The following SUGCT variants were observed in gnomAD, a reference collection of about 807,000 sequenced individuals.
The protein encoded by SUGCT is succinyl-CoA:glutarate-CoA transferase, also known as succinyl-CoA:glutarate CoA-transferase.
In SUGCT, 41 loss-of-function variants were observed where a neutral mutation model predicts 55.0. The ratio of observed to expected loss-of-function variants is 0.74; its 90% confidence interval spans 0.58 to 0.97. The LOEUF is 0.97. SUGCT is among the 50% of genes least tolerant of loss of function. The pLI, the probability that SUGCT is intolerant of heterozygous loss-of-function variation, is 0.00. For missense variants in SUGCT, 568 were observed against 547.8 expected, an observed-to-expected ratio of 1.04 and a Z score of -0.37; for synonymous variants, 187 against 200.4, an observed-to-expected ratio of 0.93 and a Z score of 0.56.
At chr7:40,901,569 C>T in the SUGCT span, among the ~76,000 whole-genome samples, 1 of 152,186 alleles carries the variant, frequency 6.6e-6, no homozygotes, top group Non-Finnish European at 1.5e-5. Context: ...ATGATGTTAC[C>T]AAACTGCCTT....
intron 11 of SUGCT, among the ~76,000 whole-genome samples, chr7:40,471,770 C>A (rs1306115632): frequency 4.6e-5 from 7 of 151,792 alleles, no homozygotes; most frequent in African/African-American, 1.5e-4. Context: ...AATGTTAAAG[C>A]AACATAAATA....
intron 7 of SUGCT, among the ~76,000 whole-genome samples, chr7:40,250,833 T>C (rs2329768): frequency 0.31 from 36,391 of 116,004 alleles, 5,378 homozygotes; most frequent in East Asian, 0.47. Flanking sequence ...CGCTTCTTTT[T>C]TTTTTTTTTT....
chr7:40,223,384 G>C (rs1049412862), intron 6 of SUGCT, among the ~76,000 whole-genome samples: 4 of 152,160 alleles, frequency 2.6e-5, no homozygotes, highest in African/African-American at 9.7e-5. Context: ...TGCCCCAGTT[G>C]TGGAATCAAC....
intron 13 of SUGCT, among the ~76,000 whole-genome samples, chr7:40,787,505 G>T (rs1490126912): frequency 6.6e-6 from 1 of 151,802 alleles, no homozygotes; most frequent in Non-Finnish European, 1.5e-5. Flanking sequence ...AGATATTGGA[G>T]ATAAATGTAA....
At chr7:40,645,543 A>C (rs1053087730) in intron 12 of SUGCT, among the ~76,000 whole-genome samples, 4 of 152,196 alleles carry the variant, frequency 2.6e-5, no homozygotes, top group Admixed American at 1.3e-4. Context: ...TCCCTGAAGC[A>C]CTGTGGATTC....
chr7:40,738,725 T>G (rs1466382123), intron 12 of SUGCT, among the ~76,000 whole-genome samples: 2 of 152,180 alleles, frequency 1.3e-5, no homozygotes, highest in African/African-American at 4.8e-5. Context: ...GTGATCAGAT[T>G]AATGGAGAAA....
intron 12 of SUGCT, among the ~76,000 whole-genome samples, chr7:40,613,898 C>T (rs1484623369): frequency 2.6e-5 from 4 of 152,128 alleles, no homozygotes; most frequent in Non-Finnish European, 4.4e-5. Flanking sequence ...TGAGCCACCA[C>T]GCCTGGCCTG....
chr7:40,648,794 G>C (rs1031245790), intron 12 of SUGCT, among the ~76,000 whole-genome samples: 89 of 152,202 alleles, frequency 5.8e-4, no homozygotes, highest in African/African-American at 1.4e-3. Context: ...ACTACCAGGG[G>C]CTAGAAAGAG....
chr7:40,517,870 T>C (rs1424446146), intron 12 of SUGCT, among the ~76,000 whole-genome samples: 1 of 152,130 alleles, frequency 6.6e-6, no homozygotes, highest in Non-Finnish European at 1.5e-5. Flanking sequence ...AAATCTATAT[T>C]GCTGTATGAA....
At chr7:40,343,586 T>A (rs1403143153) in intron 9 of SUGCT, among the ~76,000 whole-genome samples, 1 of 151,612 alleles carries the variant, frequency 6.6e-6, no homozygotes, top group African/African-American at 2.4e-5. Context: ...ACAATTATTT[T>A]TTCTTTCTCA....
the SUGCT span, among the ~76,000 whole-genome samples, chr7:41,019,331 T>C: frequency 1.3e-5 from 2 of 152,214 alleles, no homozygotes; most frequent in African/African-American, 4.8e-5. Flanking sequence ...TAAGTACTTG[T>C]CATAAATATG....
the SUGCT span, among the ~76,000 whole-genome samples, chr7:40,912,976 C>T: frequency 6.6e-6 from 1 of 151,736 alleles, no homozygotes; most frequent in Admixed American, 6.6e-5. Context: ...TATCCTTCAC[C>T]ATCCTTCCTG....
intron 12 of SUGCT, among the ~76,000 whole-genome samples, chr7:40,585,928 G>A (rs550743276): frequency 6.6e-6 from 1 of 152,248 alleles, no homozygotes; most frequent in Non-Finnish European, 1.5e-5. Context: ...CAATCCATCT[G>A]TCTTGGCCTC....
chr7:40,519,112 T>C (rs919427886), intron 12 of SUGCT, among the ~76,000 whole-genome samples: 1 of 152,006 alleles, frequency 6.6e-6, no homozygotes, highest in East Asian at 1.9e-4. Context: ...CAAAAGTCCA[T>C]AACCTCAATC....
intron 9 of SUGCT, among the ~76,000 whole-genome samples, chr7:40,412,649 T>C (rs1786759774): frequency 6.6e-6 from 1 of 152,216 alleles, no homozygotes; most frequent in Non-Finnish European, 1.5e-5. Context: ...CATTTTGATA[T>C]GTTCCTCCCA....
At chr7:40,449,614 G>A (rs1362832671) in intron 10 of SUGCT, among the ~76,000 whole-genome samples, 2 of 152,044 alleles carry the variant, frequency 1.3e-5, no homozygotes, top group Non-Finnish European at 2.9e-5. Flanking sequence ...CAAACAAAAT[G>A]GGGGAATCAT....
chr7:40,554,193 A>C lies in SUGCT; in HGVS notation c.1089+57807A>C, dbSNP rs1795445054. Among the ~76,000 whole-genome samples, 3 of 152,234 alleles carry C rather than the reference A, an allele frequency of 2.0e-5. No homozygotes were observed. In the South Asian group the frequency reaches 6.2e-4, roughly 31 times the overall value. On this transcript the variant is annotated intron_variant, in intron 12 of 13. Transcript: ENST00000335693. ...CCCGACACATTATGAGCACTCAATA[A>C]ATACTTGATATTAATGTTAAATTGT...
intron 12 of SUGCT, among the ~76,000 whole-genome samples, chr7:40,587,387 C>T (rs1213364750): frequency 1.3e-5 from 2 of 152,108 alleles, no homozygotes; most frequent in Non-Finnish European, 2.9e-5. Flanking sequence ...TGTAACCAGG[C>T]TATTTTGAAA....
chr7:40,186,043 A>G (rs887266741), intron 3 of SUGCT, among the ~76,000 whole-genome samples: 1 of 150,172 alleles, frequency 6.7e-6, no homozygotes, highest in South Asian at 2.1e-4. Flanking sequence ...CAGTTCCTCA[A>G]TTACATAAAA....
Sources: gnomAD v4.1 joint callset for allele counts (sites outside exome capture counted in the v4.1 genomes callset) on GRCh38, gnomAD v4.1.1 for gene constraint, MANE v1.5 for transcripts, NCBI Gene and HGNC (gene_info 2026-07-23, HGNC 2026-07-21) for gene names.